Variants in F7 observed in about 807,000 individuals in gnomAD.
F7 encodes coagulation factor VII.
F7 carries 38 observed loss-of-function variants against 47.5 expected under a neutral mutation model. That is an observed-to-expected ratio of 0.80 (90% CI 0.62 to 1.05). The LOEUF (loss-of-function observed/expected upper bound fraction) is 1.05, where lower values mean the gene tolerates loss of function less well. Among genes scored for constraint, F7 ranks in the 50% least tolerant of loss-of-function variants. The pLI is 0.00. For missense variants in F7, 575 were observed against 605.4 expected, an observed-to-expected ratio of 0.95 and a Z score of 0.53; for synonymous variants, 244 against 258.5, an observed-to-expected ratio of 0.94 and a Z score of 0.54.
rs535654541 is a variant in F7 at position 113,112,859 on chromosome 13, G to A, written c.226-893G>A. Reference sequence around the variant, plus strand: ...CTCACAGGTCACCTTACTCTCACAGGACACCTCACACAGGGCACACTTCAC... The same window carrying A: ...CTCACAGGTCACCTTACTCTCACAGAACACCTCACACAGGGCACACTTCAC... On this transcript the variant is annotated intron_variant, in intron 2 of 7. Transcript: ENST00000346342. Among the ~76,000 whole-genome samples the A allele has an allele frequency of 5.5e-4, 81 of 146,342 alleles. 3 individuals carry two copies. The highest frequency in any genetic ancestry group is 4.8e-3 in the Middle Eastern group (1 of 210).
At position 113,119,164 on chromosome 13, in the gene F7, GAGAC is replaced by G. The variant is rs2036256724; in HGVS notation, c.*160_*163del. 1 of 658,302 alleles carries G rather than the reference GAGAC, an allele frequency of 1.5e-6. No individual in the cohort carries two copies. The highest frequency in any genetic ancestry group is 1.9e-5 in the African/African-American group (1 of 52,596). The allele number at this position is 658,302 out of a possible 1,614,324, so 40.8% of individuals were successfully genotyped here. A position where few individuals can be genotyped will look rare whatever the true frequency, so the allele number is the denominator to read the frequency against. On this transcript the variant is annotated 3_prime_UTR_variant, in exon 8 of 8. Transcript: ENST00000346342. The stretch of plus-strand genomic sequence containing the variant: ...ACAGAGACAGAAACAGAGAGAGACA[GAGAC>G]AGAGAGAGACTGAGGGAGAGACTCT...
rs778234014 is a variant in F7 at position 113,117,481 on chromosome 13, G to A, written c.624G>A (p.Leu208=). The part of the protein sequence containing the change: ...PKGECPWQVL[L]LVNGAQLCGG... Reference sequence around the variant, plus strand: ...CCTGTCCCCCCGCCCAGGTCCTGTTGTTGGTGAATGGAGCTCAGTTGTGTG... The same window carrying A: ...CCTGTCCCCCCGCCCAGGTCCTGTTATTGGTGAATGGAGCTCAGTTGTGTG... The change falls in exon 7 of 8, where the codon TTG becomes TTA. Residue 208 remains leucine (L), a synonymous_variant. Transcript: ENST00000346342. 6 of 1,614,132 alleles carry A rather than the reference G, an allele frequency of 3.7e-6. No homozygotes were observed. Among genetic ancestry groups the A allele is most frequent in the Non-Finnish European group, 4.2e-6 (5 of 1,179,980 alleles).
At chr13:113,110,353 C>A (rs1406503645) in intron 1 of F7, 4 of 270,136 alleles carry the variant, frequency 1.5e-5, no homozygotes, top group Non-Finnish European at 6.9e-6. Flanking sequence ...CACCCGGGGC[C>A]GCGCCGCCTT....
Position 113,118,733 on chromosome 13 carries a change from A to G in F7, c.1060A>G (p.Lys354Glu), listed in dbSNP as rs2036245212. 3.7e-6 allele frequency: 6 copies of G among 1,613,046 alleles called. No individual in the cohort carries two copies. Among genetic ancestry groups the G allele is most frequent in the Non-Finnish European group, 5.1e-6 (6 of 1,179,926 alleles). ...MTQDCLQQSR[K>E]VGDSPNITEY... ...CCAGGACTGCCTGCAGCAGTCACGG[A>G]AGGTGGGAGACTCCCCAAATATCAC... is the stretch of plus-strand genomic sequence containing the variant. The change falls in exon 8 of 8, where the codon AAG becomes GAG. Residue 354 changes from lysine (K) to glutamate (E), a missense_variant. By Grantham distance (56) the Lys-to-Glu change is moderately conservative (BLOSUM62 1). Coordinates refer to ENST00000346342, the MANE Select transcript of F7 (RefSeq NM_019616.4).
At chr13:113,110,881 C>G (rs768004459) in intron 2 of F7, 31 bp downstream of exon 2, 1 of 1,548,546 alleles carries the variant, frequency 6.5e-7, no homozygotes, top group Non-Finnish European at 8.7e-7. Context: ...CCCCGCGCCG[C>G]GGACACTGCA....
In F7 at chr13:113,116,780, G is replaced by A. The variant is rs2036200067; in HGVS notation, c.520G>A (p.Gly174Arg). ...GTTTTACACAGTTGAATATCCATGTGGAAAAATACCTATTCTAGAAAAAAG... is the reference window on the plus strand; with the variant it reads ...GTTTTACACAGTTGAATATCCATGTAGAAAAATACCTATTCTAGAAAAAAG... ...SCTPTVEYPC[G>R]KIPILEKRNA... The change falls in exon 6 of 8, where the codon GGA becomes AGA. Residue 174 changes from glycine (G) to arginine (R), a missense_variant. Coordinates refer to ENST00000346342, the MANE Select transcript of F7 (RefSeq NM_019616.4). 6.2e-7 allele frequency: 1 copy of A among 1,613,416 alleles called. No individual in the cohort carries two copies. Among genetic ancestry groups the A allele is most frequent in the Non-Finnish European group, 8.5e-7 (1 of 1,179,512 alleles).
chr13:113,115,886 G>T, intron 5 of F7, 86 bp downstream of exon 5: 1 of 1,573,768 alleles, frequency 6.4e-7, no homozygotes, highest in African/African-American at 1.3e-5. Context: ...ACGGGTGGGA[G>T]TGGCTTCACA....
At chr13:113,114,697 C>G (rs1462741766) in intron 4 of F7, 4 of 154,348 alleles carry the variant, frequency 2.6e-5, no homozygotes, top group African/African-American at 4.8e-5. Context: ...AGTCTCAGCC[C>G]CTCCAGAGGC....
chr13:113,115,926 A>G (rs2036186473), intron 5 of F7, 126 bp downstream of exon 5: 8 of 1,363,530 alleles, frequency 5.9e-6, no homozygotes, highest in Admixed American at 3.6e-5. Context: ...GCACTGACCA[A>G]TTGTGAGGTG....
rs3093267 is a variant in F7, at chr13:113,118,661, G to T, written c.988G>T (p.Ala330Ser). The change falls in exon 8 of 8, where the codon GCC (alanine) becomes TCC (serine). Residue 330 changes from alanine (A) to serine (S), a missense_variant. Physicochemically the swap from Ala to Ser is moderately conservative, Grantham distance 99. Coordinates refer to ENST00000346342, the MANE Select transcript of F7 (RefSeq NM_019616.4). ...SGWGQLLDRG[A>S]TALELMVLNV... ...CTGGGGCCAGCTGCTGGACCGTGGCGCCACGGCCCTGGAGCTCATGGTCCT... is the reference window on the plus strand; with the variant it reads ...CTGGGGCCAGCTGCTGGACCGTGGCTCCACGGCCCTGGAGCTCATGGTCCT... The T allele has an allele frequency of 1.2e-6, 2 of 1,612,722 alleles. No individual in the cohort carries two copies. The highest frequency in any genetic ancestry group is 1.3e-5 in the African/African-American group (1 of 74,920).
At chr13:113,115,098 C>T (rs986494739) in intron 4 of F7, among the ~76,000 whole-genome samples, 13 of 152,216 alleles carry the variant, frequency 8.5e-5, no homozygotes, top group Non-Finnish European at 1.5e-4. Context: ...GCCTTCCCGC[C>T]GGAGTCCTGG....
chr13:113,118,969 G>C lies in F7; in HGVS notation c.1296G>C (p.Glu432Asp). The change falls in exon 8 of 8, where the codon GAG (glutamate) becomes GAC (aspartate). Residue 432 changes from glutamate to aspartate, a missense_variant. Physicochemically the swap from Glu to Asp is conservative, Grantham distance 45 (BLOSUM62 2). Coordinates refer to ENST00000346342, the MANE Select transcript of F7 (RefSeq NM_019616.4). ...IEWLQKLMRS[E>D]PRPGVLLRAP... ...GGCTGCAAAAGCTCATGCGCTCAGA[G>C]CCACGCCCAGGAGTCCTCCTGCGAG... The C allele has an allele frequency of 6.2e-7, 1 of 1,603,784 alleles. No homozygotes were observed. The highest frequency in any genetic ancestry group is 8.5e-7 in the Non-Finnish European group (1 of 1,179,958).
chr13:113,105,823 G>C lies in F7; in HGVS notation c.-19G>C. ...TGGGGAATGTCAACAGGCAGGGGCAGCACTGCAGAGATTTCATCATGGTCT... is the reference window on the plus strand; with the variant it reads ...TGGGGAATGTCAACAGGCAGGGGCACCACTGCAGAGATTTCATCATGGTCT... On this transcript the variant is annotated 5_prime_UTR_variant, in exon 1 of 8. Coordinates refer to ENST00000346342, the MANE Select transcript of F7 (RefSeq NM_019616.4). The C allele has an allele frequency of 3.2e-6, 5 of 1,578,018 alleles. No homozygotes were observed. The highest frequency in any genetic ancestry group is 4.3e-6 in the Non-Finnish European group (5 of 1,161,980).
At chr13:113,110,061 G>T (rs1255703788) in intron 1 of F7, among the ~76,000 whole-genome samples, 1 of 152,146 alleles carries the variant, frequency 6.6e-6, no homozygotes, top group African/African-American at 2.4e-5. Context: ...GAGGATCCGC[G>T]CGAGGTCTGG....
chr13:113,112,067 TTCACACTCACAGGTCACC>T lies in F7; in HGVS notation c.225+1231_225+1248del, dbSNP rs1410418021. Among the ~76,000 whole-genome samples the T allele has an allele frequency of 2.3e-5, 3 of 130,250 alleles. No individual in the cohort carries two copies. The South Asian group carries it at 7.8e-4, about 34-fold the overall frequency. The allele number at this position is 130,250 out of a possible 152,430, so 85.4% of individuals were successfully genotyped here. ...ACACAAGATACCACACGGGGCACAC[TTCACACTCACAGGTCACC>T]TCACACTCACAGGACACCTCACAGA... On this transcript the variant is annotated intron_variant, in intron 2 of 7. Coordinates refer to ENST00000346342, the MANE Select transcript of F7 (RefSeq NM_019616.4).
Position 113,110,870 on chromosome 13 carries a change from G to GT in F7, c.225+20_225+21insT. The stretch of plus-strand genomic sequence containing the variant: ...AGGACGGTGAGCCCAGCCTCGGGGC[G>GT]CCCCGCGCCGCGGACACTGCAGGCG... On this transcript the variant is annotated intron_variant, in intron 2 of 7. Coordinates refer to ENST00000346342, the MANE Select transcript of F7 (RefSeq NM_019616.4). 6.4e-7 allele frequency: 1 copy of GT among 1,550,832 alleles called. No individual in the cohort carries two copies. The highest frequency in any genetic ancestry group is 8.7e-7 in the Non-Finnish European group (1 of 1,148,084).
At chr13:113,107,956 CGTGGGTGTCCCGGGAGT>C (rs2036001589) in intron 1 of F7, among the ~76,000 whole-genome samples, 1 of 37,754 alleles carries the variant, frequency 2.6e-5, no homozygotes. Context: ...GTCCCGGGGG[CGTGGGTGTCCCGGGAGT>C]GTGGGTGTTC....
chr13:113,106,859 G>C (rs1262951606), intron 1 of F7: 2 of 1,604,704 alleles, frequency 1.2e-6, no homozygotes, highest in East Asian at 4.5e-5. Context: ...GGTCGCTAAG[G>C]CCTCAGGAGG....
At position 113,119,219 on chromosome 13, in the gene F7, G is replaced by A. The variant is rs1183958188; in HGVS notation, c.*211G>A. On this transcript the variant is annotated 3_prime_UTR_variant, in exon 8 of 8. Coordinates refer to ENST00000346342, the MANE Select transcript of F7 (RefSeq NM_019616.4). Reference sequence around the variant, plus strand: ...GAGGACATGGAGAGAGACTCAAAGAGACTCCAAGATTCAAAGAGACTAATA... The same window carrying A: ...GAGGACATGGAGAGAGACTCAAAGAAACTCCAAGATTCAAAGAGACTAATA... 2 of 598,240 alleles carry A rather than the reference G, an allele frequency of 3.3e-6. No individual in the cohort carries two copies. The highest frequency in any genetic ancestry group is 5.9e-6 in the Non-Finnish European group (2 of 337,676). The allele number at this position is 598,240 out of a possible 1,614,324, so 37.1% of individuals were successfully genotyped here. A position where few individuals can be genotyped will look rare whatever the true frequency, so the allele number is the denominator to read the frequency against.
Sources: gnomAD v4.1 joint callset for allele counts (sites outside exome capture counted in the v4.1 genomes callset) on GRCh38, gnomAD v4.1.1 for gene constraint, MANE v1.5 for transcripts, NCBI Gene and HGNC (gene_info 2026-07-23, HGNC 2026-07-21) for gene names.